PLEK: variants seen among roughly 807,000 people sequenced by gnomAD.
PLEK encodes pleckstrin.
PLEK carries 25 observed loss-of-function variants against 43.9 expected under a neutral mutation model. The observed-to-expected ratio is 0.57, with a 90% CI of 0.41 to 0.79. The LOEUF (loss-of-function observed/expected upper bound fraction) is 0.79, where lower values mean the gene tolerates loss of function less well. PLEK is among the 30% of genes least tolerant of loss of function. The probability of loss-of-function intolerance (pLI) is 0.00; values close to 1 mark genes in which losing one functional copy is unlikely to be tolerated. For synonymous variants in PLEK, 152 were observed against 144.4 expected, an observed-to-expected ratio of 1.05 and a Z score of -0.38; for missense variants, 396 against 413.3, an observed-to-expected ratio of 0.96 and a Z score of 0.36.
intron 1 of PLEK, among the ~76,000 whole-genome samples, chr2:68,366,483 G>A (rs995125576): frequency 6.6e-6 from 1 of 152,224 alleles, no homozygotes; most frequent in Non-Finnish European, 1.5e-5. Context: ...GGCTATGACA[G>A]TTGTGACCAG....
intron 1 of PLEK, among the ~76,000 whole-genome samples, chr2:68,368,376 T>C (rs2103755135): frequency 6.6e-6 from 1 of 152,330 alleles, no homozygotes; most frequent in Admixed American, 6.5e-5. Flanking sequence ...ATAAGAAAAC[T>C]GAGGTTCACA....
Position 68,386,590 on chromosome 2 carries a change from G to A in PLEK, c.561G>A (p.Glu187=), listed in dbSNP as rs764229423. 6.2e-7 allele frequency: 1 copy of A among 1,613,610 alleles called. No homozygotes were observed. Among genetic ancestry groups the A allele is most frequent in the South Asian group, 1.1e-5 (1 of 91,068 alleles). ...TGATTGCTTCATCGCTGCTCAATGA[G>A]GGGTATCTGCAGCCTGCTGGAGACA... is the stretch of plus-strand genomic sequence containing the variant. The part of the protein sequence containing the change: ...GLMIASSLLN[E]GYLQPAGDMS... Residue 187 remains glutamate (E), a synonymous_variant, in exon 5 of 9, where the codon GAG becomes GAA. Coordinates refer to ENST00000234313, the MANE Select transcript of PLEK (RefSeq NM_002664.3).
chr2:68,371,357 T>C (rs1472035111), intron 1 of PLEK, among the ~76,000 whole-genome samples: 1 of 152,198 alleles, frequency 6.6e-6, no homozygotes, highest in Non-Finnish European at 1.5e-5. Flanking sequence ...AGTTAGTTCC[T>C]CCAACAGTTA....
intron 8 of PLEK, among the ~76,000 whole-genome samples, chr2:68,394,510 G>A (rs1182601379): frequency 6.6e-6 from 1 of 151,774 alleles, no homozygotes; most frequent in Admixed American, 6.6e-5. Context: ...ACTCCAGCCT[G>A]GGTGACAGAG....
chr2:68,377,640 T>A (rs1673531128), intron 1 of PLEK, among the ~76,000 whole-genome samples: 1 of 152,134 alleles, frequency 6.6e-6, no homozygotes, highest in Admixed American at 6.5e-5. Flanking sequence ...TCCTCTAGAG[T>A]TGTCTGAGCT....
At chr2:68,389,687 G>T (rs1230717476) in intron 6 of PLEK, among the ~76,000 whole-genome samples, 1 of 152,176 alleles carries the variant, frequency 6.6e-6, no homozygotes, top group Non-Finnish European at 1.5e-5. Context: ...AATTTATAAA[G>T]AATTCATGGA....
Position 68,380,784 on chromosome 2 carries a change from A to G in PLEK, c.260A>G (p.Glu87Gly), listed in dbSNP as rs1673597582. Residue 87 changes from glutamate to glycine, a missense_variant, in exon 3 of 9, where the codon GAG becomes GGG. Transcript: ENST00000234313. ...CACTTCTTCCAGGCAGCCTTCCTGG[A>G]GGAGAGAGATGCCTGGGTTCGGGAT... is the stretch of plus-strand genomic sequence containing the variant. ...QDHFFQAAFL[E>G]ERDAWVRDIK... is the part of the protein sequence containing the mutation. The G allele has an allele frequency of 1.2e-6, 2 of 1,614,020 alleles. No individual in the cohort carries two copies.
chr2:68,388,837 T>C (rs888571941), intron 6 of PLEK, among the ~76,000 whole-genome samples: 1 of 152,162 alleles, frequency 6.6e-6, no homozygotes, highest in African/African-American at 2.4e-5. Flanking sequence ...TACTTCCATT[T>C]TACCTGTCCC....
At chr2:68,376,692 G>T (rs1045359998) in intron 1 of PLEK, among the ~76,000 whole-genome samples, 4 of 151,978 alleles carry the variant, frequency 2.6e-5, no homozygotes, top group African/African-American at 9.7e-5. Flanking sequence ...TTTTGATACA[G>T]GCATGCAATG....
intron 1 of PLEK, among the ~76,000 whole-genome samples, chr2:68,380,041 C>T (rs1244776877): frequency 6.6e-6 from 1 of 151,932 alleles, no homozygotes; most frequent in Non-Finnish European, 1.5e-5. Context: ...TAAGCTGAGC[C>T]TTGAAGGATA....
chr2:68,365,581 C>G (rs1012101440), intron 1 of PLEK, 188 bp downstream of exon 1: 6 of 541,062 alleles, frequency 1.1e-5, no homozygotes. Flanking sequence ...CATCCAGCCC[C>G]GGCTTCCTTA....
At chr2:68,365,569 C>T in intron 1 of PLEK, 176 bp downstream of exon 1, 3 of 557,398 alleles carry the variant, frequency 5.4e-6, no homozygotes, top group East Asian at 3.1e-5. Flanking sequence ...AGTGGGGATA[C>T]TCATCCAGCC....
intron 1 of PLEK, among the ~76,000 whole-genome samples, chr2:68,370,730 C>T (rs545743745): frequency 6.6e-6 from 1 of 152,280 alleles, no homozygotes; most frequent in African/African-American, 2.4e-5. Flanking sequence ...AAGTGATCCA[C>T]CCGCCTTGGC....
At chr2:68,380,266 A>C in intron 1 of PLEK, 62 bp from the exon 2 acceptor site, 1 of 1,347,272 alleles carries the variant, frequency 7.4e-7, no homozygotes, top group Non-Finnish European at 1.0e-6. Flanking sequence ...CTTTCCTGTT[A>C]GGAGGAAAAT....
chr2:68,394,508 C>CTGGG (rs1673920630), intron 8 of PLEK, among the ~76,000 whole-genome samples: 1 of 151,796 alleles, frequency 6.6e-6, no homozygotes, highest in Non-Finnish European at 1.5e-5. Flanking sequence ...GCACTCCAGC[C>CTGGG]TGGGTGACAG....
In PLEK at chr2:68,395,766, C is replaced by T. The variant is rs754004465; in HGVS notation, c.1003C>T (p.Arg335Cys). The T allele has an allele frequency of 1.7e-5, 28 of 1,613,452 alleles. No individual in the cohort carries two copies. The highest frequency in any genetic ancestry group is 2.2e-5 in the Non-Finnish European group (26 of 1,179,552). The change falls in exon 9 of 9, where the codon CGC (arginine) becomes TGC (cysteine). Residue 335 changes from arginine to cysteine, a missense_variant. Arg to Cys is a radical substitution (Grantham distance 180, BLOSUM62 -3). Transcript: ENST00000234313. ...CTTGCAAGCAGCCACCCCCAAGGAG[C>T]GCACAGAGTGGATCAGAGCCATCCA... ...YFLQAATPKE[R>C]TEWIRAIQMA... is the part of the protein sequence containing the mutation.
intron 6 of PLEK, among the ~76,000 whole-genome samples, 178 bp from the exon 7 acceptor site, chr2:68,392,984 T>G (rs943736721): frequency 6.6e-6 from 1 of 152,258 alleles, no homozygotes; most frequent in Admixed American, 6.5e-5. Flanking sequence ...TATTATTTAT[T>G]GGCTGTAGCA....
intron 8 of PLEK, among the ~76,000 whole-genome samples, chr2:68,395,476 C>T (rs1673945971): frequency 6.6e-6 from 1 of 152,082 alleles, no homozygotes; most frequent in African/African-American, 2.4e-5. Flanking sequence ...CACAGTCATA[C>T]TATGTATCTA....
chr2:68,389,272 C>T (rs980754923), intron 6 of PLEK, among the ~76,000 whole-genome samples: 3 of 152,228 alleles, frequency 2.0e-5, no homozygotes, highest in African/African-American at 7.2e-5. Context: ...GATACTTGCA[C>T]AAGGCATCTT....
Sources: allele counts gnomAD v4.1 joint callset (sites outside exome capture counted in the v4.1 genomes callset), GRCh38; gene constraint gnomAD v4.1.1; transcripts MANE v1.5; gene names NCBI Gene and HGNC (gene_info 2026-07-23, HGNC 2026-07-21).